The following CEP112 variants were observed in gnomAD, a reference collection of about 807,000 sequenced individuals.
CEP112 encodes the protein centrosomal protein 112, also known as centrosomal protein of 112 kDa.
A neutral mutation model predicts 153.0 loss-of-function variants in CEP112; 127 were observed. That is an observed-to-expected ratio of 0.83 (90% confidence interval 0.72 to 0.96). CEP112 has a LOEUF of 0.96. Ranked by LOEUF, CEP112 falls within the 40% of genes least tolerant of loss-of-function variation. The pLI is 0.00. For synonymous variants in CEP112, 358 were observed against 374.4 expected (o/e 0.96, Z 0.51); for missense variants, 1,089 against 1,101.2 (o/e 0.99, Z 0.16).
In CEP112 at chr17:65,707,910, C is replaced by A. The variant is rs925892625; in HGVS notation, c.2608-18692G>T. Among the ~76,000 whole-genome samples the A allele has an allele frequency of 5.9e-5, 9 of 152,238 alleles. No individual in the cohort carries two copies. In the East Asian group the frequency reaches 1.5e-3, roughly 26 times the overall value. On this transcript the variant is annotated intron_variant, in intron 23 of 26. Transcript: ENST00000535342. ...TACTTAACAGAGGAATGCAAATAGTCAAAAATATATTATTAAGCACAAACC... is the reference window on the plus strand; with the variant it reads ...TACTTAACAGAGGAATGCAAATAGTAAAAAATATATTATTAAGCACAAACC...
chr17:65,847,793 A>G (rs2057782013), intron 21 of CEP112, among the ~76,000 whole-genome samples: 1 of 152,224 alleles, frequency 6.6e-6, no homozygotes, highest in Non-Finnish European at 1.5e-5. Flanking sequence ...GGTAGGCCAG[A>G]CTTTGGATGA....
At chr17:65,859,439 C>CAAAAAAAAAAAAAAA (rs57675567) in intron 20 of CEP112, among the ~76,000 whole-genome samples, 3 of 93,676 alleles carry the variant, frequency 3.2e-5, no homozygotes, top group Non-Finnish European at 6.6e-5. Flanking sequence ...GACTCCATCT[C>CAAAAAAAAAAAAAAA]AAAAAAAAAA....
At chr17:65,710,397 A>AT (rs1245150832) in intron 23 of CEP112, among the ~76,000 whole-genome samples, 1 of 151,878 alleles carries the variant, frequency 6.6e-6, no homozygotes, top group Non-Finnish European at 1.5e-5. Flanking sequence ...TTTCTTATTA[A>AT]TTTTTATCCT....
chr17:65,714,844 G>A (rs971135856), intron 23 of CEP112, among the ~76,000 whole-genome samples: 6 of 152,126 alleles, frequency 3.9e-5, no homozygotes, highest in Non-Finnish European at 8.8e-5. Flanking sequence ...GCACATGTAG[G>A]TACAATGGAG....
chr17:65,745,887 T>C (rs758917652), intron 22 of CEP112, among the ~76,000 whole-genome samples: 7 of 152,126 alleles, frequency 4.6e-5, no homozygotes, highest in Admixed American at 1.3e-4. Context: ...AACAGGGACA[T>C]TTCTCATTTT....
At chr17:65,795,853 A>G (rs1325254679) in intron 21 of CEP112, among the ~76,000 whole-genome samples, 2 of 152,124 alleles carry the variant, frequency 1.3e-5, no homozygotes, top group African/African-American at 4.8e-5. Context: ...AAAACTTACC[A>G]TTTTATTCCA....
rs766951921 is a variant in CEP112 at position 65,727,119 on chromosome 17, C to T, written c.2607+15949G>A. On this transcript the variant is annotated intron_variant, in intron 23 of 26. Transcript: ENST00000535342. ...TATACTCCCAGAAATGGGGCACGAGCCTGCTGGTTTCCCTGTATCTTCATC... is the reference window on the plus strand; with the variant it reads ...TATACTCCCAGAAATGGGGCACGAGTCTGCTGGTTTCCCTGTATCTTCATC... Among the ~76,000 whole-genome samples the T allele has an allele frequency of 1.1e-4, 17 of 152,302 alleles. 1 individual carries two copies. In the East Asian group the frequency reaches 3.3e-3, roughly 29 times the overall value.
intron 21 of CEP112, among the ~76,000 whole-genome samples, chr17:65,830,401 G>C (rs2057027835): frequency 6.6e-6 from 1 of 152,204 alleles, no homozygotes; most frequent in South Asian, 2.1e-4. Flanking sequence ...TCCAAGGTAA[G>C]AGGTTGTAGA....
chr17:66,188,286 A>AACACACACACAC (rs59802008), intron 1 of CEP112, among the ~76,000 whole-genome samples: 68 of 109,504 alleles, frequency 6.2e-4, no homozygotes, highest in Admixed American at 1.0e-3. Flanking sequence ...CACACACACA[A>AACACACACACAC]ACACACACAC....
At chr17:65,789,348 G>T (rs1450828974) in intron 21 of CEP112, among the ~76,000 whole-genome samples, 1 of 148,172 alleles carries the variant, frequency 6.7e-6, no homozygotes, top group Non-Finnish European at 1.5e-5. Flanking sequence ...TTTCATTTTT[G>T]CTGTCTGATA....
intron 17 of CEP112, among the ~76,000 whole-genome samples, chr17:65,994,067 A>C (rs1468967268): frequency 6.6e-6 from 1 of 151,944 alleles, no homozygotes; most frequent in Non-Finnish European, 1.5e-5. Flanking sequence ...TTATATGTCA[A>C]TATCAGATAC....
chr17:65,685,577 C>G (rs1386593894), intron 24 of CEP112, among the ~76,000 whole-genome samples: 1 of 151,458 alleles, frequency 6.6e-6, no homozygotes, highest in Non-Finnish European at 1.5e-5. Context: ...GTGAAAAATA[C>G]ATTCATAATG....
chr17:65,847,997 C>G (rs1261893463), intron 21 of CEP112, among the ~76,000 whole-genome samples: 1 of 152,142 alleles, frequency 6.6e-6, no homozygotes. Context: ...CTGAGGTAGG[C>G]CTGTGCTGCG....
chr17:65,969,821 C>T (rs1209636844), intron 17 of CEP112, among the ~76,000 whole-genome samples: 1 of 131,530 alleles, frequency 7.6e-6, no homozygotes, highest in South Asian at 3.1e-4. Context: ...TACCTGCATA[C>T]ATATTACAAG....
At chr17:66,081,920 G>C (rs532229616) in intron 8 of CEP112, among the ~76,000 whole-genome samples, 1 of 151,680 alleles carries the variant, frequency 6.6e-6, no homozygotes, top group African/African-American at 2.4e-5. Context: ...ATCTCAGGGG[G>C]AAAAAAAGGC....
At chr17:65,910,561 TAAAAC>T (rs781582904) in intron 19 of CEP112, among the ~76,000 whole-genome samples, 4 of 151,954 alleles carry the variant, frequency 2.6e-5, no homozygotes, top group Non-Finnish European at 5.9e-5. Context: ...GATAACAAGA[TAAAAC>T]AACAGAATTA....
chr17:66,172,878 T>C (rs1270415674), intron 4 of CEP112, among the ~76,000 whole-genome samples: 1 of 151,682 alleles, frequency 6.6e-6, no homozygotes, highest in Non-Finnish European at 1.5e-5. Flanking sequence ...TACTACCAGA[T>C]ATAAGGATAT....
chr17:66,122,444 A>G (rs2069644576), intron 6 of CEP112, among the ~76,000 whole-genome samples: 2 of 152,014 alleles, frequency 1.3e-5, no homozygotes, highest in Non-Finnish European at 2.9e-5. Context: ...TCCATGAGTA[A>G]TTTTAGTTGT....
intron 11 of CEP112, among the ~76,000 whole-genome samples, chr17:66,062,594 A>G (rs2146013924): frequency 6.6e-6 from 1 of 152,214 alleles, no homozygotes; most frequent in Admixed American, 6.5e-5. Flanking sequence ...ATATTTTCTA[A>G]AATTTCAGGA....
Sources: allele counts gnomAD v4.1 joint callset (sites outside exome capture counted in the v4.1 genomes callset), GRCh38; gene constraint gnomAD v4.1.1; transcripts MANE v1.5; gene names NCBI Gene and HGNC (gene_info 2026-07-23, HGNC 2026-07-21).